Variants in GK observed in about 807,000 individuals in gnomAD.
GK encodes ATP:glycerol 3-phosphotransferase.
Under a neutral mutation model 56.4 loss-of-function variants are expected in GK, and 9 were observed. The observed-to-expected ratio is 0.16, with a 90% CI of 0.10 to 0.28. The LOEUF (loss-of-function observed/expected upper bound fraction) is 0.28. GK is among the 10% of genes least tolerant of loss of function. The pLI, the probability that GK is intolerant of heterozygous loss-of-function variation, is 1.00. For synonymous variants in GK, 104 were observed against 144.1 expected, an observed-to-expected ratio of 0.72 and a Z score of 1.99; for missense variants, 161 against 431.4, an observed-to-expected ratio of 0.37 and a Z score of 5.55.
At chrX:30,712,970 G>A (rs1936424611) in intron 13 of GK, among the ~76,000 whole-genome samples, 1 of 110,647 alleles carries the variant, frequency 9.0e-6, no homozygotes, top group Non-Finnish European at 1.9e-5. Context: ...TCCTGACCTG[G>A]TGATCCGCCC....
intron 1 of GK, among the ~76,000 whole-genome samples, chrX:30,655,089 T>C (rs1932157025): frequency 8.9e-6 from 1 of 112,106 alleles, no homozygotes; most frequent in Non-Finnish European, 1.9e-5. Context: ...TAATTTTGGT[T>C]TGAATCTTAT....
intron 4 of GK, among the ~76,000 whole-genome samples, chrX:30,684,759 A>C (rs1302318678): frequency 9.0e-6 from 1 of 110,735 alleles, no homozygotes; most frequent in Non-Finnish European, 1.9e-5. Flanking sequence ...TAGGATATTA[A>C]AGAAAACCAC....
At position 30,694,384 on chromosome X, in the gene GK, T is replaced by G. The variant is rs111410083; in HGVS notation, c.415-16T>G. On this transcript the variant is annotated splice_polypyrimidine_tract_variant and intron_variant, in intron 5 of 20. Coordinates refer to ENST00000427190, the MANE Select transcript of GK (RefSeq NM_001205019.2). Reference sequence around the variant, plus strand: ...TACACTTTTCATTTGCTAACTGAACTTCACAACTGTTTTAGTCCAAGACAG... The same window carrying G: ...TACACTTTTCATTTGCTAACTGAACGTCACAACTGTTTTAGTCCAAGACAG... The G allele has an allele frequency of 6.0e-5, 72 of 1,197,119 alleles. No individual in the cohort carries two copies. The highest frequency in any genetic ancestry group is 5.9e-4 in the African/African-American group (34 of 57,193).
At chrX:30,654,294 G>A (rs188871003) in intron 1 of GK, among the ~76,000 whole-genome samples, 49 of 112,399 alleles carry the variant, frequency 4.4e-4, no homozygotes, top group African/African-American at 1.5e-3. Context: ...ACAGCATAAT[G>A]CGACACGGAA....
chrX:30,729,618 T>A lies in GK; in HGVS notation c.*876T>A, dbSNP rs1177458192. 1 of 112,216 alleles carries A rather than the reference T, an allele frequency of 8.9e-6. No homozygotes were observed. The highest frequency in any genetic ancestry group is 1.9e-5 in the Non-Finnish European group (1 of 53,123). The allele number at this position is 112,216 out of a possible 1,213,427, so 9.2% of individuals were successfully genotyped here. A position where few individuals can be genotyped will look rare whatever the true frequency, so the allele number is the denominator to read the frequency against. ...AGCTGTATACATTTTTGGGCAACGG[T>A]TATGCATAATATTTACCAGGAGAAT... On this transcript the variant is annotated 3_prime_UTR_variant, in exon 21 of 21. Coordinates refer to ENST00000427190, the MANE Select transcript of GK (RefSeq NM_001205019.2).
chrX:30,696,204 A>T, intron 7 of GK, 53 bp downstream of exon 7: 2 of 672,198 alleles, frequency 3.0e-6, no homozygotes, highest in Non-Finnish European at 4.8e-6. Context: ...ACCTATTTAT[A>T]ACCGAAATCT....
At chrX:30,703,110 C>T (rs1935776543) in intron 11 of GK, among the ~76,000 whole-genome samples, 1 of 111,927 alleles carries the variant, frequency 8.9e-6, no homozygotes, top group Middle Eastern at 4.6e-3. Context: ...TAATGAGATG[C>T]TTTGAAAAAT....
intron 10 of GK, 96 bp downstream of exon 10, chrX:30,700,545 G>C: frequency 1.3e-6 from 1 of 747,016 alleles, no homozygotes; most frequent in East Asian, 3.3e-5. Context: ...TTTAAACTAG[G>C]GAAAACAAGT....
intron 18 of GK, among the ~76,000 whole-genome samples, chrX:30,722,865 C>T (rs761802020): frequency 9.0e-6 from 1 of 111,153 alleles, no homozygotes; most frequent in Non-Finnish European, 1.9e-5. Context: ...GTGTTGCAGG[C>T]CTCAGGTGCT....
chrX:30,697,587 C>A, intron 8 of GK, 145 bp from the exon 9 acceptor site: 1 of 505,634 alleles, frequency 2.0e-6, no homozygotes, highest in Non-Finnish European at 3.5e-6. Context: ...TGTCTGCAAA[C>A]TGACTTGGGT....
intron 14 of GK, 72 bp from the exon 15 acceptor site, chrX:30,719,347 T>TA (rs1320100909): frequency 2.0e-4 from 140 of 688,120 alleles, no homozygotes; most frequent in Non-Finnish European, 1.3e-4. Flanking sequence ...TTCTAATTTT[T>TA]AAAATAGGTA....
intron 1 of GK, among the ~76,000 whole-genome samples, chrX:30,663,872 G>T (rs1932861962): frequency 9.9e-6 from 1 of 101,049 alleles, no homozygotes; most frequent in African/African-American, 3.6e-5. Flanking sequence ...TAAGTACTTT[G>T]GTACTCAAAT....
At chrX:30,692,362 A>C (rs1392197131) in intron 5 of GK, among the ~76,000 whole-genome samples, 2 of 111,791 alleles carry the variant, frequency 1.8e-5, no homozygotes. Flanking sequence ...TTCTACCCCC[A>C]TGATGAAAAT....
At chrX:30,677,686 G>A (rs1384149216) in intron 4 of GK, among the ~76,000 whole-genome samples, 1 of 109,578 alleles carries the variant, frequency 9.1e-6, no homozygotes, top group Non-Finnish European at 1.9e-5. Context: ...TTAGCCAGGT[G>A]TGGTGGCACA....
intron 4 of GK, among the ~76,000 whole-genome samples, chrX:30,687,165 C>T (rs4345726): frequency 0.29 from 31,555 of 110,012 alleles, 3,411 homozygotes; most frequent in South Asian, 0.42. Context: ...GGATTGTGCT[C>T]CCTCAGTACA....
rs1387520832 is a variant in GK at position 30,715,243 on chromosome X, T to C, written c.976-3295T>C. On this transcript the variant is annotated intron_variant, in intron 13 of 20. Coordinates refer to ENST00000427190, the MANE Select transcript of GK (RefSeq NM_001205019.2). The stretch of plus-strand genomic sequence containing the variant: ...ATACTGTTTGTGGCAGTGGCATTCA[T>C]GTCAAGGAGCTTTTGAAGAAAAATG... Among the ~76,000 whole-genome samples, 6 of 112,181 alleles carry C rather than the reference T, an allele frequency of 5.3e-5. No individual in the cohort carries two copies. In the Admixed American group the frequency reaches 5.7e-4, roughly 11 times the overall value.
At chrX:30,700,301 T>C in intron 9 of GK, 113 bp from the exon 10 acceptor site, 1 of 491,098 alleles carries the variant, frequency 2.0e-6, no homozygotes, top group South Asian at 3.0e-5. Context: ...TTTCTTTGTC[T>C]TGTCTGCCCA....
At chrX:30,679,233 T>C in intron 4 of GK, among the ~76,000 whole-genome samples, 1 of 108,993 alleles carries the variant, frequency 9.2e-6, no homozygotes, top group East Asian at 2.8e-4. Context: ...TTTTTTTTTT[T>C]TTCTTTTTTT....
At position 30,663,132 on chromosome X, in the gene GK, T is replaced by G. The variant is rs1932838520; in HGVS notation, c.79-2379T>G. Among the ~76,000 whole-genome samples the G allele has an allele frequency of 2.7e-5, 3 of 110,225 alleles. No individual in the cohort carries two copies. The Admixed American group carries it at 3.0e-4, about 11-fold the overall frequency. ...TCCAGACCTCAGGTGATCCACCTGCTTCAGTCTCCCAAAGTGCCGGGCGTC... is the reference window on the plus strand; with the variant it reads ...TCCAGACCTCAGGTGATCCACCTGCGTCAGTCTCCCAAAGTGCCGGGCGTC... On this transcript the variant is annotated intron_variant, in intron 1 of 20. Transcript: ENST00000427190.
Sources: gnomAD v4.1 joint callset for allele counts (sites outside exome capture counted in the v4.1 genomes callset) on GRCh38, gnomAD v4.1.1 for gene constraint, MANE v1.5 for transcripts, NCBI Gene and HGNC (gene_info 2026-07-23, HGNC 2026-07-21) for gene names.